The following NCR1 variants were observed in gnomAD, a reference collection of about 807,000 sequenced individuals.
The protein encoded by NCR1 is NK cell-activating receptor.
A neutral mutation model predicts 32.5 loss-of-function variants in NCR1; 30 were observed. The observed-to-expected ratio is 0.92, with a 90% CI of 0.69 to 1.25. The LOEUF (loss-of-function observed/expected upper bound fraction) is 1.25, where lower values mean the gene tolerates loss of function less well. Among genes scored for constraint, NCR1 ranks in the 50% most tolerant of loss-of-function variants. NCR1 has a pLI of 0.00. For synonymous variants in NCR1, 169 were observed against 143.4 expected (o/e 1.18, Z -1.28); for missense variants, 369 against 380.7 (o/e 0.97, Z 0.26).
the NCR1 span, among the ~76,000 whole-genome samples, chr19:54,924,851 G>A: frequency 6.6e-6 from 1 of 152,110 alleles, no homozygotes; most frequent in African/African-American, 2.4e-5. Flanking sequence ...CAGGAGAATC[G>A]CTTTGAACCT....
At chr19:54,915,319 C>T (rs933920976), downstream of NCR1, among the ~76,000 whole-genome samples, 1 of 152,134 alleles carries the variant, frequency 6.6e-6, no homozygotes, top group Non-Finnish European at 1.5e-5. Context: ...ACACCACCAT[C>T]GCTTTCCTCC....
chr19:54,920,771 C>G (rs113486107), downstream of NCR1, among the ~76,000 whole-genome samples: 2,506 of 152,254 alleles, frequency 0.016, 64 homozygotes, highest in African/African-American at 0.056. Flanking sequence ...GAGCTAAGAT[C>G]GCACCATTGC....
At chr19:54,903,013 C>T (rs983983033), upstream of NCR1, among the ~76,000 whole-genome samples, 3 of 151,952 alleles carry the variant, frequency 2.0e-5, no homozygotes, top group Non-Finnish European at 4.4e-5. Flanking sequence ...GCCTGTAATC[C>T]CAGCTACTTG....
rs369802427 is a variant in NCR1, at chr19:54,906,571, C to T, written c.119C>T (p.Pro40Leu). 2 of 1,613,192 alleles carry T rather than the reference C, an allele frequency of 1.2e-6. No homozygotes were observed. Among genetic ancestry groups the T allele is most frequent in the Non-Finnish European group, 1.7e-6 (2 of 1,180,032 alleles). ...TGGGCCGAGCCCCATTTCATGGTTC[C>T]AAAGGAAAAGCAAGTGACCATCTGT... ...FIWAEPHFMVPKEKQVTICCQ... is the reference protein window; with the variant it reads ...FIWAEPHFMVLKEKQVTICCQ... Residue 40 changes from proline to leucine, a missense_variant, in exon 3 of 7, where the codon CCA becomes CTA. Pro to Leu is a moderately conservative substitution (Grantham distance 98, BLOSUM62 -3). Coordinates refer to ENST00000291890, the MANE Select transcript of NCR1 (RefSeq NM_004829.7).
At chr19:54,908,652 G>GC (rs2067772300) in intron 3 of NCR1, among the ~76,000 whole-genome samples, 1 of 107,418 alleles carries the variant, frequency 9.3e-6, no homozygotes, top group African/African-American at 2.9e-5. Flanking sequence ...GCTGGCCGGG[G>GC]CTTTTTTTTT....
In NCR1 at chr19:54,912,816, C is replaced by T. The variant is rs2068044550; in HGVS notation, c.860C>T (p.Ala287Val). ...WLSRKRTRER[A>V]SRASTWEGRR... ...AGCAGGAAGAGGACTAGAGAGCGAGCCAGCAGAGCTTCCACTTGGGAAGGC... is the reference window on the plus strand; with the variant it reads ...AGCAGGAAGAGGACTAGAGAGCGAGTCAGCAGAGCTTCCACTTGGGAAGGC... The change falls in exon 7 of 7, where the codon GCC becomes GTC. Residue 287 changes from alanine to valine, a missense_variant. Ala to Val is a moderately conservative substitution (Grantham distance 64). Transcript: ENST00000291890. 1 of 1,613,658 alleles carries T rather than the reference C, an allele frequency of 6.2e-7. No individual in the cohort carries two copies. Among genetic ancestry groups the T allele is most frequent in the African/African-American group, 1.3e-5 (1 of 74,954 alleles).
At chr19:54,916,294 T>G (rs188547736), downstream of NCR1, among the ~76,000 whole-genome samples, 368 of 148,898 alleles carry the variant, frequency 2.5e-3, 1 homozygote, top group African/African-American at 8.6e-3. Flanking sequence ...CAGAACTAAC[T>G]CATCTTATAA....
intron 6 of NCR1, 139 bp downstream of exon 6, chr19:54,912,357 G>A: frequency 2.4e-6 from 2 of 840,158 alleles, no homozygotes; most frequent in Non-Finnish European, 3.9e-6. Context: ...AGCCCTTTGG[G>A]AGGCCGAGGC....
chr19:54,934,707 C>A, the NCR1 span: 5 of 1,484,040 alleles, frequency 3.4e-6, no homozygotes, highest in African/African-American at 1.4e-5. The surrounding 1 kb of genome is among the most constrained non-coding windows in gnomAD (Gnocchi z 6.7). Flanking sequence ...ACAGAGTATA[C>A]CCTATCAGCT....
At chr19:54,933,687 A>G in the NCR1 span, 1 of 1,614,198 alleles carries the variant, frequency 6.2e-7, no homozygotes, top group Non-Finnish European at 8.5e-7. Context: ...CTGACAACCA[A>G]GACAGCAGCA....
the NCR1 span, among the ~76,000 whole-genome samples, chr19:54,934,013 G>T: frequency 1.8e-4 from 27 of 152,314 alleles, no homozygotes; most frequent in South Asian, 6.2e-4. This position sits in a 1 kb window ranked among gnomAD's most constrained non-coding sequence, Gnocchi z 6.7. Context: ...CGCGATCTCG[G>T]TTCACTGCCA....
rs557153561 is a variant in NCR1, at chr19:54,912,539, C to G, written c.734-151C>G. 3 of 629,272 alleles carry G rather than the reference C, an allele frequency of 4.8e-6. No homozygotes were observed. In the African/African-American group the frequency reaches 6.3e-5, roughly 13 times the overall value. 39.0% of individuals were successfully genotyped at this position (629,272 alleles called of 1,614,324 possible). A position where few individuals can be genotyped will look rare whatever the true frequency, so the allele number is the denominator to read the frequency against. On this transcript the variant is annotated intron_variant, in intron 6 of 6. Transcript: ENST00000291890. ...GCTTGAACCCAGGAAGTGGAGGTTG[C>G]AGTGAGCCGAGATCGTGCCATTGCA...
downstream of NCR1, among the ~76,000 whole-genome samples, chr19:54,920,603 G>A (rs1305305441): frequency 6.6e-6 from 1 of 152,172 alleles, no homozygotes; most frequent in Non-Finnish European, 1.5e-5. Context: ...AAGGCAAGGG[G>A]ATAACTGGAG....
At chr19:54,902,155 A>G (rs1471241661), upstream of NCR1, among the ~76,000 whole-genome samples, 1 of 152,212 alleles carries the variant, frequency 6.6e-6, no homozygotes, top group Non-Finnish European at 1.5e-5. Flanking sequence ...TTTGGGAAAT[A>G]TAACCTGAAG....
upstream of NCR1, among the ~76,000 whole-genome samples, chr19:54,901,308 C>A (rs1349850618): frequency 2.9e-5 from 4 of 139,758 alleles, no homozygotes; most frequent in Non-Finnish European, 6.0e-5. Flanking sequence ...TTGCAGAGAG[C>A]CGAGATTGCG....
chr19:54,932,806 C>G, the NCR1 span, among the ~76,000 whole-genome samples: 3 of 152,088 alleles, frequency 2.0e-5, no homozygotes, highest in Admixed American at 6.6e-5. Context: ...TAGGCACGCA[C>G]CACCAAGCCT....
chr19:54,900,199 G>T, the NCR1 span, among the ~76,000 whole-genome samples: 8 of 152,308 alleles, frequency 5.3e-5, no homozygotes, highest in African/African-American at 1.9e-4. Context: ...TCACGTCCGT[G>T]TGAAGAGACC....
the NCR1 span, among the ~76,000 whole-genome samples, chr19:54,930,884 T>G: frequency 6.6e-6 from 1 of 151,886 alleles, no homozygotes; most frequent in East Asian, 2.0e-4. Flanking sequence ...ATAACCAGAC[T>G]TGGTGGTGCA....
downstream of NCR1, among the ~76,000 whole-genome samples, chr19:54,917,509 G>C (rs145537139): frequency 6.6e-6 from 1 of 151,866 alleles, no homozygotes; most frequent in Non-Finnish European, 1.5e-5. Flanking sequence ...TAGTGGAGAT[G>C]GGGGTTTTAC....
Sources: allele counts gnomAD v4.1 joint callset (sites outside exome capture counted in the v4.1 genomes callset), GRCh38; gene constraint gnomAD v4.1.1; non-coding constraint Gnocchi (gnomAD v3.1); transcripts MANE v1.5; gene names NCBI Gene and HGNC (gene_info 2026-07-23, HGNC 2026-07-21).